Variants in HESX1 observed in about 807,000 individuals in gnomAD.
The protein encoded by HESX1 is homeobox expressed in ES cells 1.
In HESX1, 11 loss-of-function variants were observed where a neutral mutation model predicts 22.5. The observed-to-expected ratio is 0.49, with a 90% CI of 0.31 to 0.81. HESX1 has a LOEUF of 0.81. Ranked by LOEUF, HESX1 falls within the 30% of genes least tolerant of loss-of-function variation. HESX1 has a pLI of 0.05. For synonymous variants in HESX1, 74 were observed against 76.5 expected, an observed-to-expected ratio of 0.97 and a Z score of 0.17; for missense variants, 201 against 212.6, an observed-to-expected ratio of 0.95 and a Z score of 0.34.
upstream of HESX1, among the ~76,000 whole-genome samples, chr3:57,203,330 G>A (rs1039738276): frequency 7.9e-5 from 12 of 152,168 alleles, no homozygotes; most frequent in African/African-American, 2.4e-4. Context: ...TGAAAAAAGC[G>A]TGAGGAGAGA....
chr3:57,224,184 A>G (rs997677621), intron 1 of HESX1, among the ~76,000 whole-genome samples: 1 of 152,038 alleles, frequency 6.6e-6, no homozygotes, highest in Non-Finnish European at 1.5e-5. Flanking sequence ...GGGTTTCACT[A>G]TGTTGCCCAG....
In HESX1 at chr3:57,198,247, A is replaced by G; in HGVS notation, c.508T>C (p.Ser170Pro). 1 of 1,613,298 alleles carries G rather than the reference A, an allele frequency of 6.2e-7. No individual in the cohort carries two copies. The highest frequency in any genetic ancestry group is 8.5e-7 in the Non-Finnish European group (1 of 1,179,552). Reference sequence around the variant, plus strand: ...TTTTTTTTCGCCATTAGAAACTGTGATTCTCTATGGGACCTTTTCAGTTTT... The same window carrying G: ...TTTTTTTTCGCCATTAGAAACTGTGGTTCTCTATGGGACCTTTTCAGTTTT... ...RAKLKRSHRE[S>P]QFLMAKKNFN... Residue 170 changes from serine (S) to proline (P), a missense_variant, in exon 4 of 4, where the codon TCA (serine) becomes CCA (proline). Ser to Pro is a moderately conservative substitution (Grantham distance 74). Coordinates refer to ENST00000295934, the MANE Select transcript of HESX1 (RefSeq NM_003865.3).
At chr3:57,214,118 T>C (rs1024906583) in intron 1 of HESX1, among the ~76,000 whole-genome samples, 7 of 152,162 alleles carry the variant, frequency 4.6e-5, no homozygotes, top group South Asian at 2.1e-4. Flanking sequence ...ATATGCCCCT[T>C]TAAAAGACAC....
At chr3:57,211,493 A>G (rs2060553315) in intron 1 of HESX1, among the ~76,000 whole-genome samples, 2 of 131,300 alleles carry the variant, frequency 1.5e-5, no homozygotes, top group South Asian at 2.6e-4. Flanking sequence ...TCATGCCACT[A>G]CACTCCATTC....
chr3:57,209,440 G>A lies in HESX1; in HGVS notation c.-110-9412C>T, dbSNP rs548948405. ...GCGGGGTGGATCATCTGAAGTTCGA[G>A]ACCAGCCTGGCCAATATGGTGAAAC... On this transcript the variant is annotated intron_variant, in intron 1 of 2. Transcript: ENST00000495160. Among the ~76,000 whole-genome samples, 37 of 152,182 alleles carry A rather than the reference G, an allele frequency of 2.4e-4. 2 individuals are homozygous for A. The South Asian group carries it at 6.0e-3, about 25-fold the overall frequency.
At chr3:57,209,275 C>T (rs1363911695) in intron 1 of HESX1, among the ~76,000 whole-genome samples, 1 of 152,110 alleles carries the variant, frequency 6.6e-6, no homozygotes, top group Non-Finnish European at 1.5e-5. Flanking sequence ...CAGAATAACA[C>T]AGACAGAGAA....
intron 1 of HESX1, among the ~76,000 whole-genome samples, chr3:57,213,497 C>G (rs1019303481): frequency 2.0e-5 from 3 of 152,188 alleles, no homozygotes; most frequent in Admixed American, 2.0e-4. Context: ...TTTAAGGCCC[C>G]AAAGGGCTCA....
Position 57,216,500 on chromosome 3 carries a change from T to C in HESX1, c.-111+9796A>G, listed in dbSNP as rs539470852. Among the ~76,000 whole-genome samples the C allele has an allele frequency of 2.0e-5, 3 of 152,218 alleles. No individual in the cohort carries two copies. In the South Asian group the frequency reaches 6.2e-4, roughly 32 times the overall value. ...GGTGGTGTGCATCTGTAGTCCCAGA[T>C]ACCTAGGAGGCTGAGGTGGGAGGAT... is the stretch of plus-strand genomic sequence containing the variant. On this transcript the variant is annotated intron_variant, in intron 1 of 2. Coordinates refer to the HESX1 transcript ENST00000495160.
intron 1 of HESX1, among the ~76,000 whole-genome samples, chr3:57,211,973 G>A (rs1160521195): frequency 2.6e-5 from 4 of 152,082 alleles, no homozygotes; most frequent in African/African-American, 4.8e-5. Flanking sequence ...GTGATTACAA[G>A]GTTCAGGAGA....
chr3:57,203,797 T>C (rs1428855836), upstream of HESX1, among the ~76,000 whole-genome samples: 1 of 152,116 alleles, frequency 6.6e-6, no homozygotes, highest in East Asian at 1.9e-4. Flanking sequence ...TCAAGTGGTC[T>C]GCCTGCCTCA....
chr3:57,224,127 G>C (rs2060629764), intron 1 of HESX1, among the ~76,000 whole-genome samples: 1 of 151,968 alleles, frequency 6.6e-6, no homozygotes, highest in African/African-American at 2.4e-5. Flanking sequence ...CGAGTAGCTG[G>C]GATAATAGGA....
intron 1 of HESX1, among the ~76,000 whole-genome samples, chr3:57,224,505 G>C (rs1001811112): frequency 1.3e-5 from 2 of 152,030 alleles, no homozygotes; most frequent in African/African-American, 4.8e-5. Flanking sequence ...CTCCATCTTG[G>C]ATAGAGTTTT....
intron 1 of HESX1, among the ~76,000 whole-genome samples, chr3:57,206,994 C>G (rs535193011): frequency 6.6e-5 from 10 of 152,202 alleles, no homozygotes; most frequent in African/African-American, 2.2e-4. Context: ...GTCGCCCAGG[C>G]TGGAGTGCAG....
At chr3:57,219,375 CT>C (rs1177953036) in intron 1 of HESX1, among the ~76,000 whole-genome samples, 6 of 147,836 alleles carry the variant, frequency 4.1e-5, no homozygotes, top group African/African-American at 7.4e-5. Flanking sequence ...CCCACTTTTT[CT>C]TTTTTTTTTG....
intron 1 of HESX1, among the ~76,000 whole-genome samples, chr3:57,217,386 T>C (rs1365863318): frequency 1.3e-5 from 2 of 152,224 alleles, no homozygotes; most frequent in East Asian, 1.9e-4. Context: ...CTTTCCATAT[T>C]TGTAATCCCT....
intron 1 of HESX1, among the ~76,000 whole-genome samples, chr3:57,210,966 C>T (rs1312303436): frequency 6.6e-6 from 1 of 152,158 alleles, no homozygotes; most frequent in Non-Finnish European, 1.5e-5. Flanking sequence ...TGCCTATAAT[C>T]TCAGCACTTT....
chr3:57,208,604 C>T (rs997597439), intron 1 of HESX1, among the ~76,000 whole-genome samples: 1 of 148,932 alleles, frequency 6.7e-6, no homozygotes, highest in African/African-American at 2.5e-5. Flanking sequence ...CCCACCTTGG[C>T]CTCCCAAAGT....
At position 57,218,439 on chromosome 3, in the gene HESX1, CTT is replaced by C. The variant is rs60734023; in HGVS notation, c.-111+7855_-111+7856del. Among the ~76,000 whole-genome samples, 205 of 102,272 alleles carry C rather than the reference CTT, an allele frequency of 2.0e-3. 4 individuals are homozygous for C. In the East Asian group the frequency reaches 0.048, roughly 24 times the overall value. The allele number at this position is 102,272 out of a possible 152,430, so 67.1% of individuals were successfully genotyped here. On this transcript the variant is annotated intron_variant, in intron 1 of 2. Coordinates refer to the HESX1 transcript ENST00000495160. ...TGTTTGGAAAGGACATGATCTCATT[CTT>C]TTTTTTTTTTTTTTTTTTTTGAGGT...
chr3:57,200,122 G>A, upstream of HESX1: 1 of 569,666 alleles, frequency 1.8e-6, no homozygotes, highest in Non-Finnish European at 3.1e-6. Flanking sequence ...GGAGTTAATT[G>A]TTTATTTGTT....
Sources: allele counts gnomAD v4.1 joint callset (sites outside exome capture counted in the v4.1 genomes callset), GRCh38; gene constraint gnomAD v4.1.1; transcripts MANE v1.5; gene names NCBI Gene and HGNC (gene_info 2026-07-23, HGNC 2026-07-21).